The following KYNU variants were observed in gnomAD, a reference collection of about 807,000 sequenced individuals.
KYNU encodes the protein L-kynurenine hydrolase.
In KYNU, 54 loss-of-function variants were observed where a neutral mutation model predicts 59.2. That is an observed-to-expected ratio of 0.91 (90% confidence interval 0.73 to 1.14). The LOEUF (loss-of-function observed/expected upper bound fraction) is 1.14, where lower values mean the gene tolerates loss of function less well. Ranked by LOEUF, KYNU falls within the 50% of genes most tolerant of loss-of-function variation. KYNU has a pLI of 0.00. For missense variants in KYNU, 567 were observed against 554.4 expected, an observed-to-expected ratio of 1.02 and a Z score of -0.23; for synonymous variants, 177 against 192.0, an observed-to-expected ratio of 0.92 and a Z score of 0.65.
At chr2:142,896,707 G>C (rs1681891743) in intron 2 of KYNU, among the ~76,000 whole-genome samples, 1 of 152,076 alleles carries the variant, frequency 6.6e-6, no homozygotes, top group Non-Finnish European at 1.5e-5. Flanking sequence ...GACTGGTCTT[G>C]AACTCCTGAC....
chr2:142,900,576 A>C (rs1338503444), intron 2 of KYNU, among the ~76,000 whole-genome samples: 1 of 152,124 alleles, frequency 6.6e-6, no homozygotes, highest in East Asian at 1.9e-4. Flanking sequence ...GATTGGTCAG[A>C]TATGAGTTAA....
At chr2:142,908,471 T>A (rs1157954612) in intron 2 of KYNU, among the ~76,000 whole-genome samples, 1 of 145,784 alleles carries the variant, frequency 6.9e-6, no homozygotes, top group Non-Finnish European at 1.5e-5. Context: ...CTGAAGTGAG[T>A]TCATATAAGG....
At chr2:143,004,539 C>T (rs12998116) in intron 10 of KYNU, among the ~76,000 whole-genome samples, 18,706 of 151,962 alleles carry the variant, frequency 0.12, 1,290 homozygotes, top group East Asian at 0.25. Flanking sequence ...GATGAAAACC[C>T]GTCTCTACTA....
At position 142,935,490 on chromosome 2, in the gene KYNU, A is replaced by G. The variant is rs1238249925; in HGVS notation, c.373+7749A>G. The stretch of plus-strand genomic sequence containing the variant: ...AATTGTATCAGCCTGCGCCTGAGCT[A>G]GGGTCCAGATATGGTCTTAGTCTTC... On this transcript the variant is annotated intron_variant, in intron 4 of 13. Transcript: ENST00000264170. Among the ~76,000 whole-genome samples the G allele has an allele frequency of 3.9e-5, 6 of 152,186 alleles. No homozygotes were observed. The East Asian group carries it at 9.6e-4, about 24-fold the overall frequency.
At chr2:142,906,345 G>A (rs1410498166) in intron 2 of KYNU, among the ~76,000 whole-genome samples, 1 of 152,328 alleles carries the variant, frequency 6.6e-6, no homozygotes, top group Non-Finnish European at 1.5e-5. Flanking sequence ...ATTGCATTGT[G>A]GGGTGGTGGG....
At chr2:142,998,641 A>AT (rs1685615272) in intron 10 of KYNU, among the ~76,000 whole-genome samples, 1 of 152,182 alleles carries the variant, frequency 6.6e-6, no homozygotes, top group Admixed American at 6.5e-5. Context: ...GCAACTCCTT[A>AT]TAGAGATTCT....
At chr2:142,989,573 C>A in intron 10 of KYNU, 1 of 829,400 alleles carries the variant, frequency 1.2e-6, no homozygotes, top group Non-Finnish European at 1.5e-6. Context: ...CACTCTTTAA[C>A]AAGTATTTTG....
intron 10 of KYNU, among the ~76,000 whole-genome samples, chr2:142,990,722 A>C (rs1685375452): frequency 6.6e-6 from 1 of 151,826 alleles, no homozygotes; most frequent in East Asian, 1.9e-4. Context: ...TTTTCTTCTG[A>C]GCTTTTTTGA....
chr2:143,026,743 G>T (rs1296520711), intron 10 of KYNU, among the ~76,000 whole-genome samples: 2 of 87,058 alleles, frequency 2.3e-5, no homozygotes, highest in Non-Finnish European at 4.2e-5. Flanking sequence ...TCTGCTGTCC[G>T]CAGTCCGCAG....
At chr2:142,985,630 T>C (rs980714117) in intron 9 of KYNU, among the ~76,000 whole-genome samples, 2 of 152,010 alleles carry the variant, frequency 1.3e-5, no homozygotes, top group East Asian at 3.9e-4. Context: ...TTATTATTAT[T>C]ACAATATTTT....
chr2:142,957,790 T>G, intron 7 of KYNU, 75 bp downstream of exon 7: 1 of 927,288 alleles, frequency 1.1e-6, no homozygotes, highest in African/African-American at 1.6e-5. Context: ...CTCAAAAGTT[T>G]ATTAAAATCT....
chr2:142,904,997 CT>C (rs1682238947), intron 2 of KYNU, among the ~76,000 whole-genome samples: 1 of 152,154 alleles, frequency 6.6e-6, no homozygotes, highest in Non-Finnish European at 1.5e-5. Flanking sequence ...TCATAACAAC[CT>C]GGCTGCCCAT....
intron 4 of KYNU, among the ~76,000 whole-genome samples, chr2:142,942,631 A>G (rs1465561219): frequency 6.6e-6 from 1 of 152,250 alleles, no homozygotes; most frequent in African/African-American, 2.4e-5. Flanking sequence ...GGCGTAAGGC[A>G]GGAGAGATCA....
At chr2:143,012,980 C>CT (rs1222747773) in intron 10 of KYNU, among the ~76,000 whole-genome samples, 1 of 151,932 alleles carries the variant, frequency 6.6e-6, no homozygotes, top group Admixed American at 6.6e-5. Context: ...TTTTTTCTTT[C>CT]TTTTTTTCTT....
intron 2 of KYNU, among the ~76,000 whole-genome samples, chr2:142,898,059 G>A (rs569984101): frequency 9.9e-5 from 15 of 152,110 alleles, no homozygotes; most frequent in Non-Finnish European, 1.6e-4. Flanking sequence ...GCACCACCAT[G>A]TCTGGCTAAT....
chr2:142,974,803 G>C (rs1301941668), intron 8 of KYNU, among the ~76,000 whole-genome samples: 2 of 152,142 alleles, frequency 1.3e-5, no homozygotes, highest in Non-Finnish European at 2.9e-5. Context: ...CGCTGTTCAG[G>C]AATCCAGGGT....
intron 1 of KYNU, among the ~76,000 whole-genome samples, chr2:142,880,941 A>G (rs1681274713): frequency 6.6e-6 from 1 of 152,226 alleles, no homozygotes. Flanking sequence ...GTCCAAATAA[A>G]TATAGTACCT....
chr2:142,918,447 T>C (rs1435548464), intron 2 of KYNU, among the ~76,000 whole-genome samples, 162 bp from the exon 3 acceptor site: 2 of 152,172 alleles, frequency 1.3e-5, no homozygotes, highest in African/African-American at 4.8e-5. Flanking sequence ...ATGCAAAACT[T>C]AATTATTTTT....
chr2:142,878,362 G>A (rs1234803432), intron 1 of KYNU, among the ~76,000 whole-genome samples: 1 of 152,002 alleles, frequency 6.6e-6, no homozygotes, highest in Non-Finnish European at 1.5e-5. Flanking sequence ...AACGTGTTCA[G>A]CAAGTAATTC....
Sources: allele counts gnomAD v4.1 joint callset (sites outside exome capture counted in the v4.1 genomes callset), GRCh38; gene constraint gnomAD v4.1.1; transcripts MANE v1.5; gene names NCBI Gene and HGNC (gene_info 2026-07-23, HGNC 2026-07-21).